Variants in SIK2 observed in about 807,000 individuals in gnomAD.
SIK2 encodes serine/threonine-protein kinase SIK2.
In SIK2, 29 loss-of-function variants were observed where a neutral mutation model predicts 103.2. That is an observed-to-expected ratio of 0.28 (90% confidence interval 0.21 to 0.38). SIK2 has a LOEUF of 0.38. Ranked by LOEUF, SIK2 falls within the 10% of genes least tolerant of loss-of-function variation. SIK2 has a pLI of 1.00. For missense variants in SIK2, 879 were observed against 1,171.0 expected, an observed-to-expected ratio of 0.75 and a Z score of 3.64; for synonymous variants, 412 against 446.1, an observed-to-expected ratio of 0.92 and a Z score of 0.96.
At chr11:111,685,305 G>A (rs1038532832) in intron 3 of SIK2, among the ~76,000 whole-genome samples, 1 of 152,214 alleles carries the variant, frequency 6.6e-6, no homozygotes, top group Non-Finnish European at 1.5e-5. Flanking sequence ...GCAGGGGGCC[G>A]GGTTCCTAAC....
chr11:111,723,947 T>C lies in SIK2; in HGVS notation c.2599T>C (p.Tyr867His). The change falls in exon 15 of 15, where the codon TAT becomes CAT. Residue 867 changes from tyrosine to histidine, a missense_variant. By Grantham distance (83) the Tyr-to-His change is moderately conservative. Around this residue, in one of 7 missense-constraint regions of SIK2, gnomAD observed 375 missense variants for 416.3 expected, o/e 0.90. Transcript: ENST00000304987. ...PAPDYPTPCQ[Y>H]PVDGAQQSDL... ...GCCAGACTATCCCACTCCCTGTCAG[T>C]ATCCTGTGGATGGAGCCCAGCAGAG... 1 of 1,614,106 alleles carries C rather than the reference T, an allele frequency of 6.2e-7. No homozygotes were observed. The highest frequency in any genetic ancestry group is 8.5e-7 in the Non-Finnish European group (1 of 1,180,002).
At chr11:111,624,845 A>C (rs925285557) in intron 3 of SIK2, among the ~76,000 whole-genome samples, 1 of 152,218 alleles carries the variant, frequency 6.6e-6, no homozygotes. Flanking sequence ...AGTTGATTGC[A>C]ACATTAAATA....
At chr11:111,623,696 C>CA (rs1196545509) in intron 3 of SIK2, among the ~76,000 whole-genome samples, 1 of 152,188 alleles carries the variant, frequency 6.6e-6, no homozygotes, top group East Asian at 1.9e-4. Context: ...GTGTAAGCAC[C>CA]AGGCAGTGTT....
At chr11:111,651,668 G>A (rs145498798) in intron 3 of SIK2, among the ~76,000 whole-genome samples, 121 of 152,316 alleles carry the variant, frequency 7.9e-4, no homozygotes, top group Non-Finnish European at 1.6e-3. Context: ...CATCCTGCAC[G>A]TGTATCCCAG....
At chr11:111,717,455 T>C (rs1337455897) in intron 9 of SIK2, among the ~76,000 whole-genome samples, 1 of 151,538 alleles carries the variant, frequency 6.6e-6, no homozygotes, top group Non-Finnish European at 1.5e-5. Flanking sequence ...GATACTGGCC[T>C]GGTTGCAGAG....
chr11:111,712,459 T>C (rs904251739), intron 9 of SIK2, 84 bp downstream of exon 9: 19 of 1,422,648 alleles, frequency 1.3e-5, no homozygotes, highest in Middle Eastern at 4.0e-4. Context: ...TTTGGCTTTA[T>C]TGAACTTTAT....
chr11:111,684,711 A>C (rs1303311880), intron 3 of SIK2, among the ~76,000 whole-genome samples: 1 of 152,202 alleles, frequency 6.6e-6, no homozygotes, highest in East Asian at 1.9e-4. Flanking sequence ...CACATTGTCT[A>C]CTTGCCAGTT....
chr11:111,661,788 A>G (rs1942470951), intron 3 of SIK2, among the ~76,000 whole-genome samples: 2 of 152,224 alleles, frequency 1.3e-5, no homozygotes, highest in African/African-American at 4.8e-5. Context: ...GTGCAGAGGA[A>G]CTGCCCTTTA....
rs1213218434 is a variant in SIK2, at chr11:111,701,417, TG to T, written c.604-33del. ...GAAAACAAAGAGTGTTTGACGTTCT[TG>T]GTAGAAAAGTCTCTGCATTGTTTTC... On this transcript the variant is annotated intron_variant, in intron 5 of 14. Transcript: ENST00000304987. The surrounding 1 kb of genome is among the most constrained non-coding windows in gnomAD (Gnocchi z 4.2). 6.2e-7 allele frequency: 1 copy of T among 1,600,076 alleles called. No individual in the cohort carries two copies. Among genetic ancestry groups the T allele is most frequent in the South Asian group, 1.1e-5 (1 of 89,254 alleles).
chr11:111,655,379 G>A (rs1942378832), intron 3 of SIK2, among the ~76,000 whole-genome samples: 1 of 152,210 alleles, frequency 6.6e-6, no homozygotes, highest in Non-Finnish European at 1.5e-5. Flanking sequence ...ACTCCAGCCT[G>A]AGCAACAGAG....
chr11:111,715,793 C>CTTTTTTTT (rs535843069), intron 9 of SIK2, among the ~76,000 whole-genome samples: 61 of 81,600 alleles, frequency 7.5e-4, no homozygotes, highest in Non-Finnish European at 8.7e-4. Flanking sequence ...TCATTTTTAG[C>CTTTTTTTT]TTTTTTTTTT....
intron 3 of SIK2, among the ~76,000 whole-genome samples, chr11:111,650,991 C>T (rs1192608945): frequency 1.3e-5 from 2 of 151,880 alleles, no homozygotes; most frequent in Admixed American, 6.6e-5. Flanking sequence ...TGATTTTTAC[C>T]ACTTTTAATG....
At chr11:111,631,743 C>T (rs1356640281) in intron 3 of SIK2, among the ~76,000 whole-genome samples, 1 of 152,138 alleles carries the variant, frequency 6.6e-6, no homozygotes, top group Non-Finnish European at 1.5e-5. Flanking sequence ...TTGCCTTAAC[C>T]GTGCCCTGCT....
chr11:111,616,828 C>G (rs1186038542), intron 2 of SIK2, among the ~76,000 whole-genome samples: 2 of 151,306 alleles, frequency 1.3e-5, no homozygotes, highest in African/African-American at 4.9e-5. Flanking sequence ...GAGACACTGT[C>G]TCTTAAAAAA....
chr11:111,672,138 G>A (rs1037749426), intron 3 of SIK2: 1 of 444,484 alleles, frequency 2.2e-6, no homozygotes, highest in Admixed American at 2.8e-5. Flanking sequence ...CCTGGATGTT[G>A]GGGTCCACTT....
intron 3 of SIK2, among the ~76,000 whole-genome samples, chr11:111,627,015 A>ATC (rs1273575113): frequency 1.3e-5 from 2 of 152,204 alleles, no homozygotes; most frequent in Non-Finnish European, 2.9e-5. Context: ...GGTAAGGATA[A>ATC]GGAATCCAAC....
intron 3 of SIK2, chr11:111,672,222 C>A: frequency 2.6e-6 from 1 of 390,952 alleles, no homozygotes. Flanking sequence ...CTGGCCTCAG[C>A]ATAGCCTCCA....
In SIK2 at chr11:111,705,245, G is replaced by A. The variant is rs1020445517; in HGVS notation, c.1101+106G>A. On this transcript the variant is annotated intron_variant, in intron 8 of 14. Coordinates refer to ENST00000304987, the MANE Select transcript of SIK2 (RefSeq NM_015191.3). The surrounding 1 kb of genome is among the most constrained non-coding windows in gnomAD (Gnocchi z 4.3). ...GTTAGGATTTCATCCTCTACACTCC[G>A]TTTTTCTGTAAAATTTCTGCCTGCC... 4 of 1,206,626 alleles carry A rather than the reference G, an allele frequency of 3.3e-6. No individual in the cohort carries two copies. The highest frequency in any genetic ancestry group is 4.3e-6 in the Non-Finnish European group (4 of 931,966). 74.7% of individuals were successfully genotyped at this position (1,206,626 alleles called of 1,614,324 possible).
intron 4 of SIK2, among the ~76,000 whole-genome samples, chr11:111,690,222 C>T (rs918023039): frequency 1.9e-4 from 28 of 150,572 alleles, no homozygotes; most frequent in African/African-American, 5.6e-4. Context: ...GTTTAATGCT[C>T]CTTGAAAGCA....
Sources: gnomAD v4.1 joint callset for allele counts (sites outside exome capture counted in the v4.1 genomes callset) on GRCh38, gnomAD v4.1.1 for gene constraint, gnomAD v4.1.1 regional missense constraint, Gnocchi (gnomAD v3.1) non-coding constraint, MANE v1.5 for transcripts, NCBI Gene and HGNC (gene_info 2026-07-23, HGNC 2026-07-21) for gene names.